CHD5: variants seen among roughly 807,000 people sequenced by gnomAD.
The protein encoded by CHD5 is chromodomain helicase DNA binding protein 5.
Under a neutral mutation model 230.3 loss-of-function variants are expected in CHD5, and 69 were observed. The observed-to-expected ratio is 0.30, with a 90% CI of 0.25 to 0.37. The LOEUF (loss-of-function observed/expected upper bound fraction) is 0.37, where lower values mean the gene tolerates loss of function less well. CHD5 is among the 10% of genes least tolerant of loss of function. The pLI, the probability that CHD5 is intolerant of heterozygous loss-of-function variation, is 1.00. For synonymous variants in CHD5, 1,064 were observed against 1,065.9 expected, an observed-to-expected ratio of 1.00 and a Z score of 0.03; for missense variants, 1,827 against 2,622.8, an observed-to-expected ratio of 0.70 and a Z score of 6.63.
Position 6,159,426 on chromosome 1 carries a change from C to A in CHD5, c.297G>T (p.Lys99Asn), listed in dbSNP as rs150931729. The change falls in exon 3 of 42, where the codon AAG becomes AAT. Residue 99 changes from lysine (K) to asparagine (N), a missense_variant. By Grantham distance (94) the Lys-to-Asn change is moderately conservative (BLOSUM62 0). Around this residue, in one of 14 missense-constraint regions of CHD5, gnomAD observed 657 missense variants for 816.4 expected, o/e 0.80. Coordinates refer to ENST00000262450, the MANE Select transcript of CHD5 (RefSeq NM_015557.3). ...CCTTCTTGTCCTTGAGTTTCTTCTT[C>A]TTCTTTTTATTCGGGGAGTAGTCAC... ...EGSDYSPNKK[K>N]KKKLKDKKEK... 2 of 1,568,412 alleles carry A rather than the reference C, an allele frequency of 1.3e-6. No individual in the cohort carries two copies. Among genetic ancestry groups the A allele is most frequent in the African/African-American group, 2.7e-5 (2 of 73,658 alleles).
At chr1:6,148,586 G>C (rs1666947117) in intron 9 of CHD5, among the ~76,000 whole-genome samples, 1 of 152,188 alleles carries the variant, frequency 6.6e-6, no homozygotes, top group Non-Finnish European at 1.5e-5. Flanking sequence ...AGTGGTCGCG[G>C]TGTTGGCATG....
At position 6,145,168 on chromosome 1, in the gene CHD5, G is replaced by A. The variant is rs550308894; in HGVS notation, c.1803-1013C>T. 2.1e-3 allele frequency among the ~76,000 whole-genome samples: 317 copies of A among 152,240 alleles called. 1 individual carries two copies. Among genetic ancestry groups the A allele is most frequent in the Non-Finnish European group, 3.4e-3 (228 of 68,014 alleles). ...CAGTTTTTCAAATTCCGCGACCCTC[G>A]TACTGAAGACCACCCACAGCCAGCC... On this transcript the variant is annotated intron_variant, in intron 11 of 41. Coordinates refer to ENST00000262450, the MANE Select transcript of CHD5 (RefSeq NM_015557.3).
intron 38 of CHD5, among the ~76,000 whole-genome samples, chr1:6,109,512 C>A (rs1666251107): frequency 6.6e-6 from 1 of 152,182 alleles, no homozygotes; most frequent in Non-Finnish European, 1.5e-5. Context: ...GACTCAGAAG[C>A]CTTTACAGTT....
At chr1:6,143,154 G>A (rs1233158455) in intron 13 of CHD5, among the ~76,000 whole-genome samples, 1 of 152,076 alleles carries the variant, frequency 6.6e-6, no homozygotes, top group Non-Finnish European at 1.5e-5. Context: ...CTGGGCTCAA[G>A]GGATTCTCCT....
chr1:6,146,857 C>T lies in CHD5; in HGVS notation c.1398G>A (p.Lys466=). The T allele has an allele frequency of 6.6e-7, 1 of 1,518,192 alleles. No homozygotes were observed. The highest frequency in any genetic ancestry group is 8.8e-7 in the Non-Finnish European group (1 of 1,130,530). The allele number at this position is 1,518,192 out of a possible 1,614,324, so 94.0% of individuals were successfully genotyped here. Residue 466 remains lysine, a synonymous_variant, in exon 10 of 42, where the codon AAG becomes AAA. Coordinates refer to ENST00000262450, the MANE Select transcript of CHD5 (RefSeq NM_015557.3). This position sits in a 1 kb window ranked among gnomAD's most constrained non-coding sequence, Gnocchi z 5.1. ...AGTGTAGAATCCGCTGGACTTTGCC[C>T]TTCAGTGGGGGGCACTGTGGACAGA... ...LCPRCTCPPL[K]GKVQRILHWR...
chr1:6,143,481 T>C (rs1419458078), intron 13 of CHD5, among the ~76,000 whole-genome samples: 1 of 151,780 alleles, frequency 6.6e-6, no homozygotes, highest in African/African-American at 2.4e-5. Flanking sequence ...CAAGGGCCCC[T>C]AGAAGACAGT....
rs1319653861 is a variant in CHD5 at position 6,104,154 on chromosome 1, T to C, written c.*1320A>G. ...TAGGGAGGGCCTGACCTGCTCCCCA[T>C]CTCCGTCCCCAACTTGGAGGGGCAG... On this transcript the variant is annotated 3_prime_UTR_variant, in exon 42 of 42. Coordinates refer to ENST00000262450, the MANE Select transcript of CHD5 (RefSeq NM_015557.3). 3 of 152,194 alleles carry C rather than the reference T, an allele frequency of 2.0e-5. No individual in the cohort carries two copies. The highest frequency in any genetic ancestry group is 4.8e-5 in the African/African-American group (2 of 41,514). The allele number at this position is 152,194 out of a possible 1,614,324, so 9.4% of individuals were successfully genotyped here.
chr1:6,148,064 C>A (rs1666938730), intron 9 of CHD5, among the ~76,000 whole-genome samples: 1 of 151,940 alleles, frequency 6.6e-6, no homozygotes, highest in African/African-American at 2.4e-5. Flanking sequence ...TCAAAAGGGT[C>A]CTCCCCTGGC....
At chr1:6,177,983 G>A (rs952251183) in intron 1 of CHD5, among the ~76,000 whole-genome samples, 1 of 152,190 alleles carries the variant, frequency 6.6e-6, no homozygotes, top group Admixed American at 6.5e-5. Context: ...GAAGGAGTGG[G>A]TAGAAGGCCC....
rs1412826807 is a variant in CHD5, at chr1:6,126,809, G to A, written c.3904-63C>T. 1.3e-6 allele frequency: 2 copies of A among 1,530,340 alleles called. No homozygotes were observed. Among genetic ancestry groups the A allele is most frequent in the African/African-American group, 2.7e-5 (2 of 73,342 alleles). 94.8% of individuals were successfully genotyped at this position (1,530,340 alleles called of 1,614,324 possible). A position where few individuals can be genotyped will look rare whatever the true frequency, so the allele number is the denominator to read the frequency against. ...ATCTCTGCCCTCCCGGAAGCCTCAG[G>A]CTGCCTCCACCTGACCTGCCCTTTG... On this transcript the variant is annotated intron_variant, in intron 25 of 41. Coordinates refer to ENST00000262450, the MANE Select transcript of CHD5 (RefSeq NM_015557.3). The surrounding 1 kb of genome is among the most constrained non-coding windows in gnomAD (Gnocchi z 5.7).
intron 13 of CHD5, among the ~76,000 whole-genome samples, chr1:6,143,517 G>A (rs1248456375): frequency 6.6e-6 from 1 of 152,190 alleles, no homozygotes; most frequent in Non-Finnish European, 1.5e-5. Context: ...GCTACCCAGG[G>A]CTCACTGGCC....
chr1:6,121,282 C>G lies in CHD5; in HGVS notation c.4780-45G>C, dbSNP rs773479513. On this transcript the variant is annotated intron_variant, in intron 32 of 41. Coordinates refer to ENST00000262450, the MANE Select transcript of CHD5 (RefSeq NM_015557.3). This position sits in a 1 kb window ranked among gnomAD's most constrained non-coding sequence, Gnocchi z 4.5. ...AGAACTACAAGGCCTGGGGCCTCACCAGGAACGGAGGGCGGGGAACGTGCG... is the reference window on the plus strand; with the variant it reads ...AGAACTACAAGGCCTGGGGCCTCACGAGGAACGGAGGGCGGGGAACGTGCG... 1 of 1,588,682 alleles carries G rather than the reference C, an allele frequency of 6.3e-7. No individual in the cohort carries two copies. The highest frequency in any genetic ancestry group is 8.6e-7 in the Non-Finnish European group (1 of 1,169,262).
At chr1:6,179,793 G>C (rs1330377642) in intron 1 of CHD5, 152 bp downstream of exon 1, 38 of 196,770 alleles carry the variant, frequency 1.9e-4, no homozygotes, top group Non-Finnish European at 4.5e-5. Flanking sequence ...CGCGGCGCCA[G>C]CAGGGCGGGA....
chr1:6,108,512 G>T (rs1666233612), intron 38 of CHD5, among the ~76,000 whole-genome samples: 1 of 148,412 alleles, frequency 6.7e-6, no homozygotes, highest in Non-Finnish European at 1.5e-5. Context: ...AGCAATGATG[G>T]AGATGATGAA....
intron 37 of CHD5, 82 bp downstream of exon 37, chr1:6,110,308 GCTCT>G (rs1489878117): frequency 6.6e-6 from 10 of 1,503,934 alleles, no homozygotes; most frequent in Middle Eastern, 1.7e-4. Flanking sequence ...AGGGGTTGCT[GCTCT>G]CTAATTCCTT....
chr1:6,145,961 C>T (rs923430745), intron 11 of CHD5, among the ~76,000 whole-genome samples: 2 of 152,174 alleles, frequency 1.3e-5, no homozygotes, highest in African/African-American at 4.8e-5. Context: ...GTCCCGACGC[C>T]CCAGGGGTGT....
rs550255838 is a variant in CHD5, at chr1:6,105,189, G to A, written c.*285C>T. ...TAAATGAAATCTCTTCTAAGAAGTC[G>A]TCTGGAAAAGGTGGCGAGGGGGCAC... On this transcript the variant is annotated 3_prime_UTR_variant, in exon 42 of 42. Transcript: ENST00000262450. This position sits in a 1 kb window ranked among gnomAD's most constrained non-coding sequence, Gnocchi z 4.8. The A allele has an allele frequency of 3.2e-5, 11 of 348,964 alleles. No individual in the cohort carries two copies. Among genetic ancestry groups the A allele is most frequent in the African/African-American group, 1.1e-4 (5 of 46,582 alleles). 21.6% of individuals were successfully genotyped at this position (348,964 alleles called of 1,614,324 possible).
At position 6,179,927 on chromosome 1, in the gene CHD5, C is replaced by G. The variant is rs555954044; in HGVS notation, c.79+18G>C. ...GCCCCCGCCGCTCTGGCCCCAGGCG[C>G]ACCCGCGCCCCGCTCACCTGACATC... On this transcript the variant is annotated intron_variant, in intron 1 of 41. Coordinates refer to ENST00000262450, the MANE Select transcript of CHD5 (RefSeq NM_015557.3). The G allele has an allele frequency of 9.4e-5, 120 of 1,281,690 alleles. No homozygotes were observed. The highest frequency in any genetic ancestry group is 1.2e-4 in the Non-Finnish European group (119 of 993,414). 79.4% of individuals were successfully genotyped at this position (1,281,690 alleles called of 1,614,324 possible). A position where few individuals can be genotyped will look rare whatever the true frequency, so the allele number is the denominator to read the frequency against.
rs1443192576 is a variant in CHD5, at chr1:6,126,355, G to A, written c.4078+217C>T. Among the ~76,000 whole-genome samples the A allele has an allele frequency of 2.4e-4, 34 of 144,500 alleles. No homozygotes were observed. The highest frequency in any genetic ancestry group is 3.9e-3 in the Middle Eastern group (1 of 254). The allele number at this position is 144,500 out of a possible 152,430, so 94.8% of individuals were successfully genotyped here. A position where few individuals can be genotyped will look rare whatever the true frequency, so the allele number is the denominator to read the frequency against. ...CCTGGCACACTCGCCCAGCTCTCCC[G>A]GCCCGCACCTCCCGGGGGTTCTGCA... On this transcript the variant is annotated intron_variant, in intron 26 of 41. Transcript: ENST00000262450. This position sits in a 1 kb window ranked among gnomAD's most constrained non-coding sequence, Gnocchi z 5.7.
Sources: allele counts gnomAD v4.1 joint callset (sites outside exome capture counted in the v4.1 genomes callset), GRCh38; gene constraint gnomAD v4.1.1; regional missense constraint gnomAD v4.1.1; non-coding constraint Gnocchi (gnomAD v3.1); transcripts MANE v1.5; gene names NCBI Gene and HGNC (gene_info 2026-07-23, HGNC 2026-07-21).